Variants in GXYLT2 observed in about 807,000 individuals in gnomAD.
GXYLT2 encodes glucoside xylosyltransferase 2.
In GXYLT2, 53 loss-of-function variants were observed where a neutral mutation model predicts 45.8. The observed-to-expected ratio is 1.16, with a 90% CI of 0.93 to 1.46. The LOEUF (loss-of-function observed/expected upper bound fraction) is 1.46, where lower values mean the gene tolerates loss of function less well. Ranked by LOEUF, GXYLT2 falls within the 40% of genes most tolerant of loss-of-function variation. The pLI, the probability that GXYLT2 is intolerant of heterozygous loss-of-function variation, is 0.00. For missense variants in GXYLT2, 551 were observed against 544.4 expected (o/e 1.01, Z -0.12); for synonymous variants, 219 against 214.2 (o/e 1.02, Z -0.19).
intron 3 of GXYLT2, among the ~76,000 whole-genome samples, chr3:72,931,846 T>G (rs1710043290): frequency 6.6e-6 from 1 of 151,936 alleles, no homozygotes; most frequent in African/African-American, 2.4e-5. Flanking sequence ...AACTAAAAAT[T>G]GGTACTTTGA....
intron 3 of GXYLT2, among the ~76,000 whole-genome samples, chr3:72,930,119 T>C (rs751467872): frequency 4.0e-5 from 6 of 151,474 alleles, no homozygotes; most frequent in Admixed American, 6.6e-5. Flanking sequence ...TGAGTTGAGA[T>C]TGCGTCATTG....
chr3:72,917,290 G>T (rs556576574), intron 2 of GXYLT2, among the ~76,000 whole-genome samples: 1 of 152,172 alleles, frequency 6.6e-6, no homozygotes, highest in East Asian at 1.9e-4. Flanking sequence ...CTGTTGTGCG[G>T]TGGTACAATT....
chr3:72,908,309 T>G, intron 1 of GXYLT2, 58 bp from the exon 2 acceptor site: 1 of 1,316,886 alleles, frequency 7.6e-7, no homozygotes. Context: ...GCCGGTTTTT[T>G]GTTGTTTTTA....
At chr3:72,902,117 A>T (rs1160143695) in intron 1 of GXYLT2, among the ~76,000 whole-genome samples, 1 of 152,226 alleles carries the variant, frequency 6.6e-6, no homozygotes, top group Middle Eastern at 3.4e-3. Flanking sequence ...CTTTTTGGCT[A>T]TTGGGAATAA....
intron 3 of GXYLT2, among the ~76,000 whole-genome samples, chr3:72,952,373 C>T (rs1309644148): frequency 6.6e-6 from 1 of 152,094 alleles, no homozygotes; most frequent in Non-Finnish European, 1.5e-5. Flanking sequence ...TATTGGTTTG[C>T]AACATCCATT....
At chr3:72,896,261 A>G (rs1403953218) in intron 1 of GXYLT2, among the ~76,000 whole-genome samples, 1 of 152,248 alleles carries the variant, frequency 6.6e-6, no homozygotes, top group African/African-American at 2.4e-5. Flanking sequence ...AACTCCCAGC[A>G]AGTGTTAGCA....
chr3:72,908,269 C>T, intron 1 of GXYLT2, 98 bp from the exon 2 acceptor site: 1 of 755,896 alleles, frequency 1.3e-6, no homozygotes, highest in Non-Finnish European at 2.1e-6. Context: ...TGTGCCTGAT[C>T]ATGTTTTGAA....
intron 5 of GXYLT2, 31 bp downstream of exon 5, chr3:72,957,383 T>C: frequency 6.4e-7 from 1 of 1,568,948 alleles, no homozygotes. Flanking sequence ...GCCTTTTGTG[T>C]AGGAGTACAC....
chr3:72,911,214 C>G (rs2107084331), intron 2 of GXYLT2, among the ~76,000 whole-genome samples: 1 of 152,238 alleles, frequency 6.6e-6, no homozygotes, highest in South Asian at 2.1e-4. Flanking sequence ...TTGCTCAAAC[C>G]TGGGAGGCGG....
At chr3:72,962,967 CA>C (rs940482875) in intron 5 of GXYLT2, among the ~76,000 whole-genome samples, 1 of 139,006 alleles carries the variant, frequency 7.2e-6, no homozygotes. Flanking sequence ...AAAAAAAAAA[CA>C]AAAAAACTAT....
At chr3:72,900,100 A>G (rs1471712175) in intron 1 of GXYLT2, among the ~76,000 whole-genome samples, 3 of 152,204 alleles carry the variant, frequency 2.0e-5, no homozygotes, top group South Asian at 2.1e-4. Flanking sequence ...AGTAGAACCA[A>G]TTACTCACTT....
intron 3 of GXYLT2, among the ~76,000 whole-genome samples, chr3:72,923,075 T>G (rs1383211065): frequency 6.6e-6 from 1 of 152,044 alleles, no homozygotes; most frequent in East Asian, 1.9e-4. Flanking sequence ...GCCAACATGG[T>G]GAAACCCTGT....
chr3:72,942,534 A>C (rs1344086280), intron 3 of GXYLT2, among the ~76,000 whole-genome samples: 1 of 152,202 alleles, frequency 6.6e-6, no homozygotes, highest in Non-Finnish European at 1.5e-5. Context: ...GGAAATCCTT[A>C]GTTGACTGTG....
At chr3:72,889,388 A>C (rs1709134548) in intron 1 of GXYLT2, among the ~76,000 whole-genome samples, 1 of 152,122 alleles carries the variant, frequency 6.6e-6, no homozygotes, top group Non-Finnish European at 1.5e-5. Flanking sequence ...CCTTAATTTC[A>C]ACCTGAAAGG....
chr3:72,910,140 A>G (rs1459164737), intron 2 of GXYLT2, among the ~76,000 whole-genome samples: 1 of 152,190 alleles, frequency 6.6e-6, no homozygotes, highest in African/African-American at 2.4e-5. Context: ...GATAATGAGA[A>G]TATATAGCAT....
chr3:72,921,060 A>T (rs1053771481), intron 2 of GXYLT2, among the ~76,000 whole-genome samples: 5 of 151,998 alleles, frequency 3.3e-5, no homozygotes, highest in Non-Finnish European at 7.4e-5. Context: ...ACCTCAAGTG[A>T]TCCCCCTGCC....
At chr3:72,936,245 T>C (rs902892233) in intron 3 of GXYLT2, among the ~76,000 whole-genome samples, 1 of 150,716 alleles carries the variant, frequency 6.6e-6, no homozygotes, top group Non-Finnish European at 1.5e-5. Flanking sequence ...TGAGCCAAGA[T>C]TGCGCCATTG....
intron 2 of GXYLT2, among the ~76,000 whole-genome samples, chr3:72,910,496 A>G (rs973415068): frequency 2.6e-5 from 4 of 152,066 alleles, no homozygotes; most frequent in African/African-American, 9.7e-5. Context: ...GCTAAAAGAG[A>G]TGGTAGATCT....
At chr3:72,952,409 T>C (rs1710545807) in intron 3 of GXYLT2, among the ~76,000 whole-genome samples, 1 of 152,188 alleles carries the variant, frequency 6.6e-6, no homozygotes, top group East Asian at 1.9e-4. Context: ...GAACAAAAGA[T>C]AAATCCTGTG....
Sources: gnomAD v4.1 joint callset for allele counts (sites outside exome capture counted in the v4.1 genomes callset) on GRCh38, gnomAD v4.1.1 for gene constraint, MANE v1.5 for transcripts, NCBI Gene and HGNC (gene_info 2026-07-23, HGNC 2026-07-21) for gene names.